HERPUD2: variants seen among roughly 807,000 people sequenced by gnomAD.
The protein encoded by HERPUD2 is HERPUD family member 2.
A neutral mutation model predicts 49.9 loss-of-function variants in HERPUD2; 13 were observed. The ratio of observed to expected loss-of-function variants is 0.26; its 90% CI spans 0.17 to 0.41. The LOEUF (loss-of-function observed/expected upper bound fraction) is 0.41, where lower values mean the gene tolerates loss of function less well. Ranked by LOEUF, HERPUD2 falls within the 10% of genes least tolerant of loss-of-function variation. The probability of loss-of-function intolerance (pLI) is 1.00; values close to 1 mark genes in which losing one functional copy is unlikely to be tolerated. For synonymous variants in HERPUD2, 172 were observed against 171.4 expected, an observed-to-expected ratio of 1.00 and a Z score of -0.03; for missense variants, 449 against 492.2, an observed-to-expected ratio of 0.91 and a Z score of 0.83.
intron 2 of HERPUD2, 88 bp downstream of exon 2, chr7:35,694,096 G>T: frequency 7.1e-7 from 1 of 1,407,870 alleles, no homozygotes; most frequent in South Asian, 1.2e-5. Context: ...TTTGATTCAA[G>T]ACTGGAGGGG....
At chr7:35,661,851 T>G (rs186668852) in intron 5 of HERPUD2, among the ~76,000 whole-genome samples, 1 of 152,212 alleles carries the variant, frequency 6.6e-6, no homozygotes, top group South Asian at 2.1e-4. Flanking sequence ...CATTTCCTAA[T>G]TGAATACCCT....
chr7:35,690,914 T>C (rs535902642), intron 2 of HERPUD2, among the ~76,000 whole-genome samples: 2 of 152,342 alleles, frequency 1.3e-5, no homozygotes, highest in South Asian at 4.1e-4. Flanking sequence ...TCCCCGTGAA[T>C]CTTTTCTTGA....
At chr7:35,649,836 G>C (rs965763324) in intron 5 of HERPUD2, among the ~76,000 whole-genome samples, 5 of 152,112 alleles carry the variant, frequency 3.3e-5, no homozygotes, top group African/African-American at 9.7e-5. Flanking sequence ...GGTCTGTGTT[G>C]ATGTTAAATG....
In HERPUD2 at chr7:35,674,438, G is replaced by T. The variant is rs1487522372; in HGVS notation, c.148-1160C>A. ...AGAGAGAGAGAGAGAGAGAGAGAGA[G>T]AGAGAGAGAGAGAGAGAGAGAGAGA... On this transcript the variant is annotated intron_variant, in intron 2 of 8. Coordinates refer to ENST00000311350, the MANE Select transcript of HERPUD2 (RefSeq NM_022373.5). Among the ~76,000 whole-genome samples the T allele has an allele frequency of 2.9e-3, 372 of 129,128 alleles. 11 individuals are homozygous for T. The highest frequency in any genetic ancestry group is 4.0e-3 in the Non-Finnish European group (237 of 59,460). 84.7% of individuals were successfully genotyped at this position (129,128 alleles called of 152,430 possible).
At chr7:35,686,536 G>A (rs1240917077) in intron 2 of HERPUD2, among the ~76,000 whole-genome samples, 2 of 145,920 alleles carry the variant, frequency 1.4e-5, no homozygotes, top group Non-Finnish European at 1.5e-5. Flanking sequence ...CGGCTAAAAC[G>A]GTGAAACCCC....
At chr7:35,650,752 C>A (rs774039379) in intron 5 of HERPUD2, among the ~76,000 whole-genome samples, 2 of 152,170 alleles carry the variant, frequency 1.3e-5, no homozygotes, top group African/African-American at 4.8e-5. Context: ...TACCCCCCCA[C>A]CAATTTACGA....
intron 2 of HERPUD2, among the ~76,000 whole-genome samples, chr7:35,689,075 T>A (rs1786128235): frequency 6.6e-6 from 1 of 152,148 alleles, no homozygotes; most frequent in Admixed American, 6.5e-5. Flanking sequence ...CAAAGCAGAA[T>A]TTATTATGTT....
chr7:35,683,311 G>T (rs1454506202), intron 2 of HERPUD2, among the ~76,000 whole-genome samples: 1 of 152,096 alleles, frequency 6.6e-6, no homozygotes, highest in Non-Finnish European at 1.5e-5. Context: ...ACAAAAACAA[G>T]AATTGGGGAA....
At chr7:35,664,895 C>T (rs542978540) in intron 5 of HERPUD2, among the ~76,000 whole-genome samples, 4 of 152,228 alleles carry the variant, frequency 2.6e-5, no homozygotes, top group Middle Eastern at 3.4e-3. Flanking sequence ...CGCCTTCTCT[C>T]GACTCGTCAA....
At chr7:35,645,248 T>C (rs905826958) in intron 5 of HERPUD2, among the ~76,000 whole-genome samples, 2 of 152,170 alleles carry the variant, frequency 1.3e-5, no homozygotes, top group Admixed American at 1.3e-4. Context: ...CAGCAGGGAC[T>C]GGTTCATTAA....
At chr7:35,682,357 G>GTGTATATATATATA (rs1315389393) in intron 2 of HERPUD2, among the ~76,000 whole-genome samples, 1 of 25,826 alleles carries the variant, frequency 3.9e-5, no homozygotes, top group African/African-American at 1.4e-4. Context: ...GTGTGTGTGT[G>GTGTATATATATATA]TATATATATA....
At position 35,670,325 on chromosome 7, in the gene HERPUD2, C is replaced by A; in HGVS notation, c.229G>T (p.Asp77Tyr). 7.0e-7 allele frequency: 1 copy of A among 1,432,054 alleles called. No homozygotes were observed. Among genetic ancestry groups the A allele is most frequent in the Non-Finnish European group, 9.4e-7 (1 of 1,061,486 alleles). 88.7% of individuals were successfully genotyped at this position (1,432,054 alleles called of 1,614,324 possible). Residue 77 changes from aspartate to tyrosine, a missense_variant, in exon 4 of 9, where the codon GAT becomes TAT. Asp to Tyr is a radical substitution (Grantham distance 160, BLOSUM62 -3). Transcript: ENST00000311350. ...LQLKDILRKQ[D>Y]EYHMVHLVCT... Reference sequence around the variant, plus strand: ...ACTAGATGAACCATATGATACTCATCTTGCTAAAATTAAAGAAGATTACAT... The same window carrying A: ...ACTAGATGAACCATATGATACTCATATTGCTAAAATTAAAGAAGATTACAT...
At chr7:35,669,648 A>G (rs1785605296) in intron 4 of HERPUD2, among the ~76,000 whole-genome samples, 1 of 152,132 alleles carries the variant, frequency 6.6e-6, no homozygotes, top group Admixed American at 6.6e-5. Context: ...AAACAATTTT[A>G]GGCAGATGGA....
At chr7:35,689,505 A>C (rs1198381424) in intron 2 of HERPUD2, among the ~76,000 whole-genome samples, 1 of 152,236 alleles carries the variant, frequency 6.6e-6, no homozygotes, top group African/African-American at 2.4e-5. Flanking sequence ...CAAAACTAAG[A>C]GAGATAAAAT....
chr7:35,681,160 ATTAGTATT>A (rs1785881993), intron 2 of HERPUD2, among the ~76,000 whole-genome samples: 1 of 152,234 alleles, frequency 6.6e-6, no homozygotes, highest in Non-Finnish European at 1.5e-5. Context: ...GCAATCATAT[ATTAGTATT>A]TTAGTATTTT....
intron 5 of HERPUD2, among the ~76,000 whole-genome samples, chr7:35,659,813 G>A (rs989791945): frequency 1.3e-5 from 2 of 151,542 alleles, no homozygotes; most frequent in African/African-American, 4.9e-5. Context: ...ACTCACTTTT[G>A]GCAAAATATT....
Position 35,694,342 on chromosome 7 carries a change from A to G in HERPUD2, c.-12T>C. On this transcript the variant is annotated 5_prime_UTR_variant, in exon 2 of 9. Coordinates refer to ENST00000311350, the MANE Select transcript of HERPUD2 (RefSeq NM_022373.5). ...CCACTTTGGTCCATGGTGCCCCCAAAGTCAGACAGAGTCCAGAGGAGCGGC... is the reference window on the plus strand; with the variant it reads ...CCACTTTGGTCCATGGTGCCCCCAAGGTCAGACAGAGTCCAGAGGAGCGGC... 1 of 1,614,106 alleles carries G rather than the reference A, an allele frequency of 6.2e-7. No individual in the cohort carries two copies. The highest frequency in any genetic ancestry group is 8.5e-7 in the Non-Finnish European group (1 of 1,179,966).
At chr7:35,689,082 T>C (rs982197755) in intron 2 of HERPUD2, among the ~76,000 whole-genome samples, 2 of 152,168 alleles carry the variant, frequency 1.3e-5, no homozygotes, top group East Asian at 1.9e-4. Flanking sequence ...GAATTTATTA[T>C]GTTAAAAAAA....
At chr7:35,660,381 G>A (rs1785388424) in intron 5 of HERPUD2, among the ~76,000 whole-genome samples, 1 of 152,128 alleles carries the variant, frequency 6.6e-6, no homozygotes, top group Non-Finnish European at 1.5e-5. Flanking sequence ...ATAATCATTT[G>A]GGTATATGCC....
Sources: allele counts gnomAD v4.1 joint callset (sites outside exome capture counted in the v4.1 genomes callset), GRCh38; gene constraint gnomAD v4.1.1; transcripts MANE v1.5; gene names NCBI Gene and HGNC (gene_info 2026-07-23, HGNC 2026-07-21).